Variants in DLGAP1 observed in about 807,000 individuals in gnomAD.
DLGAP1 encodes the protein DLG associated protein 1, also known as disks large-associated protein 1.
DLGAP1 carries 11 observed loss-of-function variants against 90.8 expected under a neutral mutation model. That is an observed-to-expected ratio of 0.12 (90% confidence interval 0.08 to 0.20). The LOEUF is 0.20. DLGAP1 is among the 10% of genes least tolerant of loss of function. DLGAP1 has a pLI of 1.00. For synonymous variants in DLGAP1, 558 were observed against 540.7 expected, an observed-to-expected ratio of 1.03 and a Z score of -0.44; for missense variants, 1,050 against 1,333.8, an observed-to-expected ratio of 0.79 and a Z score of 3.31.
At chr18:4,164,234 T>C (rs1323582195) in intron 1 of DLGAP1, among the ~76,000 whole-genome samples, 3 of 151,656 alleles carry the variant, frequency 2.0e-5, no homozygotes, top group Non-Finnish European at 4.4e-5. Context: ...CAAGATACCA[T>C]TAAAAAAAGA....
intron 2 of DLGAP1, among the ~76,000 whole-genome samples, chr18:4,037,038 T>C (rs890142871): frequency 2.6e-5 from 4 of 152,200 alleles, no homozygotes; most frequent in African/African-American, 4.8e-5. Flanking sequence ...GTTCATATTG[T>C]ATAGTGCCAC....
At chr18:4,301,292 A>T (rs551692883) in intron 1 of DLGAP1, among the ~76,000 whole-genome samples, 1 of 151,940 alleles carries the variant, frequency 6.6e-6, no homozygotes, top group East Asian at 1.9e-4. Flanking sequence ...TTTCCCCATT[A>T]CTCCACCTCT....
chr18:4,265,957 G>A (rs1172593486), intron 1 of DLGAP1, among the ~76,000 whole-genome samples: 1 of 151,734 alleles, frequency 6.6e-6, no homozygotes, highest in East Asian at 1.9e-4. Flanking sequence ...AGAAGTGCTA[G>A]GATTACAGGC....
chr18:4,009,703 T>A (rs1454337209), intron 2 of DLGAP1, among the ~76,000 whole-genome samples: 1 of 152,224 alleles, frequency 6.6e-6, no homozygotes. Context: ...ACGGAAGTTA[T>A]GCCATGAATG....
At chr18:3,837,677 C>T (rs963899158) in intron 4 of DLGAP1, among the ~76,000 whole-genome samples, 3 of 151,430 alleles carry the variant, frequency 2.0e-5, no homozygotes, top group African/African-American at 2.4e-5. Context: ...GGTGAAACCC[C>T]GTCTCTACTA....
Position 3,497,678 on chromosome 18 carries a change from T to C in DLGAP1, c.*1507A>G, listed in dbSNP as rs1202485525. 1 of 152,230 alleles carries C rather than the reference T, an allele frequency of 6.6e-6. No individual in the cohort carries two copies. The highest frequency in any genetic ancestry group is 6.5e-5 in the Admixed American group (1 of 15,280). The allele number at this position is 152,230 out of a possible 1,614,324, so 9.4% of individuals were successfully genotyped here. A position where few individuals can be genotyped will look rare whatever the true frequency, so the allele number is the denominator to read the frequency against. The stretch of plus-strand genomic sequence containing the variant: ...ATGTTAGCTGGACATAAAATGCCAT[T>C]GATACTTAAGATTGCCACATCCTAA... On this transcript the variant is annotated 3_prime_UTR_variant, in exon 13 of 13. Transcript: ENST00000315677.
intron 2 of DLGAP1, among the ~76,000 whole-genome samples, chr18:4,120,470 T>C (rs1193676144): frequency 6.6e-6 from 1 of 152,212 alleles, no homozygotes; most frequent in Admixed American, 6.5e-5. Context: ...TTGATCTTGA[T>C]GTGAACCACT....
intron 1 of DLGAP1, among the ~76,000 whole-genome samples, chr18:4,442,410 A>G (rs1386595033): frequency 1.3e-5 from 2 of 152,236 alleles, no homozygotes; most frequent in Non-Finnish European, 2.9e-5. Context: ...ATTTATTACT[A>G]CTAGCATCAT....
intron 1 of DLGAP1, among the ~76,000 whole-genome samples, chr18:4,380,917 C>A (rs1371297983): frequency 1.3e-5 from 2 of 152,116 alleles, no homozygotes; most frequent in Admixed American, 1.3e-4. Flanking sequence ...ATGTGACTTC[C>A]CTCCCTATTG....
chr18:4,119,904 G>A (rs1353098599), intron 2 of DLGAP1, among the ~76,000 whole-genome samples: 1 of 152,072 alleles, frequency 6.6e-6, no homozygotes, highest in African/African-American at 2.4e-5. Flanking sequence ...ACTTGACATA[G>A]GCACCTATTT....
Position 3,653,810 on chromosome 18 carries a change from T to TGTGCA in DLGAP1, c.1592-71563_1592-71562insTGCAC, listed in dbSNP as rs2059393034. The TGTGCA allele has an allele frequency of 6.6e-6, 1 of 152,170 alleles. No individual in the cohort carries two copies. Among genetic ancestry groups the TGTGCA allele is most frequent in the Non-Finnish European group, 1.5e-5 (1 of 68,030 alleles). 9.4% of individuals were successfully genotyped at this position (152,170 alleles called of 1,614,324 possible). A position where few individuals can be genotyped will look rare whatever the true frequency, so the allele number is the denominator to read the frequency against. ...ATTTCTGACAGTGGATTTCTTCCACTGATGTGCACACTCTTTGACATGAAA... is the reference window on the plus strand; with the variant it reads ...ATTTCTGACAGTGGATTTCTTCCACTGTGCAGATGTGCACACTCTTTGACATGAAA... On this transcript the variant is annotated intron_variant, in intron 7 of 12. Transcript: ENST00000315677. This position sits in a 1 kb window ranked among gnomAD's most constrained non-coding sequence, Gnocchi z 4.6.
chr18:4,133,773 G>A (rs769192399), intron 2 of DLGAP1, among the ~76,000 whole-genome samples: 7 of 152,124 alleles, frequency 4.6e-5, no homozygotes, highest in Admixed American at 2.0e-4. Flanking sequence ...AGTATTTTGG[G>A]CTTGCTTGCA....
At chr18:3,852,281 C>A (rs2148690767) in intron 4 of DLGAP1, among the ~76,000 whole-genome samples, 1 of 152,056 alleles carries the variant, frequency 6.6e-6, no homozygotes, top group African/African-American at 2.4e-5. Flanking sequence ...TTAAGGCAGT[C>A]AAGGAAAAAG....
chr18:4,236,154 T>G (rs1046593274), intron 1 of DLGAP1, among the ~76,000 whole-genome samples: 2 of 152,210 alleles, frequency 1.3e-5, no homozygotes, highest in African/African-American at 4.8e-5. Context: ...CTTGTTAACT[T>G]TATCTGTAAA....
chr18:3,978,019 G>A (rs2073635353), intron 3 of DLGAP1: 1 of 384,046 alleles, frequency 2.6e-6, no homozygotes, highest in South Asian at 2.1e-5. Context: ...CAGGGATGAT[G>A]TTCTGGAGAG....
chr18:3,670,606 T>C (rs2060053161), intron 7 of DLGAP1, among the ~76,000 whole-genome samples: 1 of 152,104 alleles, frequency 6.6e-6, no homozygotes, highest in Non-Finnish European at 1.5e-5. Context: ...TGGTGATTAT[T>C]CTCTAAGCCT....
chr18:4,416,099 A>G (rs1161366400), intron 1 of DLGAP1, among the ~76,000 whole-genome samples: 1 of 135,086 alleles, frequency 7.4e-6, no homozygotes, highest in Non-Finnish European at 1.6e-5. Context: ...GCTAGAATAT[A>G]TTGTATGCTT....
chr18:3,918,891 A>T (rs1479590201), intron 3 of DLGAP1, among the ~76,000 whole-genome samples: 1 of 152,194 alleles, frequency 6.6e-6, no homozygotes, highest in Non-Finnish European at 1.5e-5. Flanking sequence ...AAGATGTTGC[A>T]AGCACTAGAG....
intron 7 of DLGAP1, among the ~76,000 whole-genome samples, chr18:3,726,760 C>T (rs1399081868): frequency 2.0e-5 from 3 of 152,208 alleles, no homozygotes; most frequent in Non-Finnish European, 2.9e-5. Flanking sequence ...TTATGCATCA[C>T]CAACCCCAGG....
Sources: gnomAD v4.1 joint callset for allele counts (sites outside exome capture counted in the v4.1 genomes callset) on GRCh38, gnomAD v4.1.1 for gene constraint, Gnocchi (gnomAD v3.1) non-coding constraint, MANE v1.5 for transcripts, NCBI Gene and HGNC (gene_info 2026-07-23, HGNC 2026-07-21) for gene names.